The following PSMB1 variants were observed in gnomAD, a reference collection of about 807,000 sequenced individuals.
PSMB1 encodes the protein proteasome 20S subunit beta 1.
PSMB1 carries 7 observed loss-of-function variants against 25.4 expected under a neutral mutation model. The observed-to-expected ratio is 0.28, with a 90% CI of 0.16 to 0.52. PSMB1 has a LOEUF of 0.52. Ranked by LOEUF, PSMB1 falls within the 20% of genes least tolerant of loss-of-function variation. PSMB1 has a pLI of 0.97. For synonymous variants in PSMB1, 119 were observed against 115.0 expected (o/e 1.03, Z -0.22); for missense variants, 284 against 302.2 (o/e 0.94, Z 0.45).
chr6:170,551,675 G>A (rs1778904377), intron 1 of PSMB1, among the ~76,000 whole-genome samples: 1 of 152,156 alleles, frequency 6.6e-6, no homozygotes, highest in Non-Finnish European at 1.5e-5. Flanking sequence ...AGTCATCACA[G>A]GAAGTGTTAA....
At chr6:170,541,935 T>C (rs2114977134) in intron 4 of PSMB1, among the ~76,000 whole-genome samples, 1 of 152,344 alleles carries the variant, frequency 6.6e-6, no homozygotes, top group Non-Finnish European at 1.5e-5. Flanking sequence ...CTCAGCTATT[T>C]TTAATGTTGC....
rs1017133174 is a variant in PSMB1, at chr6:170,543,849, T to C, written c.304-119A>G. 7.7e-6 allele frequency: 8 copies of C among 1,041,280 alleles called. No individual in the cohort carries two copies. The African/African-American group carries it at 1.3e-4, about 17-fold the overall frequency. 64.5% of individuals were successfully genotyped at this position (1,041,280 alleles called of 1,614,324 possible). A position where few individuals can be genotyped will look rare whatever the true frequency, so the allele number is the denominator to read the frequency against. On this transcript the variant is annotated intron_variant, in intron 3 of 5. Transcript: ENST00000262193. ...CCACAGTGGAAGGGGAAAGCATGCC[T>C]ATTTCCTTCATGATCAACCAACACA...
At chr6:170,538,664 A>C (rs934721253) in intron 4 of PSMB1, among the ~76,000 whole-genome samples, 12 of 152,290 alleles carry the variant, frequency 7.9e-5, no homozygotes, top group African/African-American at 2.9e-4. Flanking sequence ...ATGCCACTGC[A>C]CTCCAGCCTG....
intron 5 of PSMB1, chr6:170,536,492 G>C (rs1481717671): frequency 2.2e-6 from 1 of 456,570 alleles, no homozygotes; most frequent in South Asian, 1.5e-5. Flanking sequence ...AAGCTGAATT[G>C]CTTGATATGT....
intron 4 of PSMB1, among the ~76,000 whole-genome samples, chr6:170,539,080 T>C: frequency 6.6e-6 from 1 of 152,114 alleles, no homozygotes; most frequent in South Asian, 2.1e-4. Context: ...GTAAAATCAG[T>C]ATAAAACAGC....
At position 170,546,027 on chromosome 6, in the gene PSMB1, T is replaced by C. The variant is rs577810138; in HGVS notation, c.303+76A>G. ...GACTCTCTAGCTATCTGACCAACAG[T>C]CATGCTGTAGGCTTAAAAGAATTTA... On this transcript the variant is annotated intron_variant, in intron 3 of 5. Coordinates refer to ENST00000262193, the MANE Select transcript of PSMB1 (RefSeq NM_002793.4). The C allele has an allele frequency of 7.3e-5, 92 of 1,261,564 alleles. No homozygotes were observed. In the African/African-American group the frequency reaches 1.2e-3, roughly 16 times the overall value. 78.1% of individuals were successfully genotyped at this position (1,261,564 alleles called of 1,614,324 possible).
intron 5 of PSMB1, among the ~76,000 whole-genome samples, chr6:170,535,939 T>C (rs1376970069): frequency 2.0e-5 from 3 of 152,170 alleles, no homozygotes; most frequent in Admixed American, 2.0e-4. Flanking sequence ...GAGGAGTAGC[T>C]ATATATGACA....
At chr6:170,550,918 G>A (rs111893361) in intron 1 of PSMB1, among the ~76,000 whole-genome samples, 1 of 74,242 alleles carries the variant, frequency 1.3e-5, no homozygotes, top group South Asian at 5.0e-4. Context: ...GGGGGGGGGG[G>A]GTCAATTGCC....
intron 5 of PSMB1, 132 bp from the exon 6 acceptor site, chr6:170,535,537 C>G (rs2114973494): frequency 1.3e-6 from 1 of 791,756 alleles, no homozygotes; most frequent in African/African-American, 1.7e-5. Flanking sequence ...AAATGTCCTT[C>G]AGACTGAATA....
At chr6:170,540,588 C>CAAAAA (rs5881872) in intron 4 of PSMB1, among the ~76,000 whole-genome samples, 33 of 61,164 alleles carry the variant, frequency 5.4e-4, no homozygotes, top group African/African-American at 7.4e-4. Flanking sequence ...GAATGGACAG[C>CAAAAA]AAAAAAAAAA....
intron 1 of PSMB1, among the ~76,000 whole-genome samples, 189 bp downstream of exon 1, chr6:170,552,941 G>A (rs12210583): frequency 2.0e-5 from 3 of 152,208 alleles, no homozygotes; most frequent in Admixed American, 1.3e-4. Flanking sequence ...TGAGCAAAGC[G>A]AGCCTGAAGA....
rs565069215 is a variant in PSMB1, at chr6:170,548,697, C to G, written c.221+309G>C. On this transcript the variant is annotated intron_variant, in intron 2 of 5. Transcript: ENST00000262193. ...ATGGACATTATCACAGCAGTGGGTT[C>G]GCTTGCTCTTCTTTCTTTCTCTGGC... 3.9e-5 allele frequency among the ~76,000 whole-genome samples: 6 copies of G among 152,214 alleles called. No homozygotes were observed. In the East Asian group the frequency reaches 1.2e-3, roughly 29 times the overall value.
At chr6:170,537,113 A>T (rs765477708) in intron 5 of PSMB1, 121 bp downstream of exon 5, 24 of 721,648 alleles carry the variant, frequency 3.3e-5, no homozygotes, top group African/African-American at 5.3e-5. Context: ...GTAATTTATA[A>T]GAAAGTCTTT....
chr6:170,552,405 G>A (rs1273597644), intron 1 of PSMB1, among the ~76,000 whole-genome samples: 1 of 151,950 alleles, frequency 6.6e-6, no homozygotes, highest in African/African-American at 2.4e-5. Flanking sequence ...TACTACTCAA[G>A]ATAAAGCTGG....
At position 170,535,441 on chromosome 6, in the gene PSMB1, G is replaced by C. The variant is rs950950045; in HGVS notation, c.541-36C>G. 2.6e-6 allele frequency: 4 copies of C among 1,554,314 alleles called. No homozygotes were observed. In the African/African-American group the frequency reaches 5.4e-5, roughly 21 times the overall value. Reference sequence around the variant, plus strand: ...ATGAAACTTGGGTGAGATGTCATGTGACAGTGAGCACAAAGGAAAGGTTCA... The same window carrying C: ...ATGAAACTTGGGTGAGATGTCATGTCACAGTGAGCACAAAGGAAAGGTTCA... On this transcript the variant is annotated intron_variant, in intron 5 of 5. Coordinates refer to ENST00000262193, the MANE Select transcript of PSMB1 (RefSeq NM_002793.4).
chr6:170,552,815 TTAC>T (rs1778928836), intron 1 of PSMB1, among the ~76,000 whole-genome samples: 1 of 152,246 alleles, frequency 6.6e-6, no homozygotes, highest in African/African-American at 2.4e-5. Context: ...AATTTCTACT[TTAC>T]TGTCTTACAG....
At chr6:170,551,721 T>C (rs938769464) in intron 1 of PSMB1, among the ~76,000 whole-genome samples, 22 of 152,190 alleles carry the variant, frequency 1.4e-4, no homozygotes, top group African/African-American at 5.1e-4. Context: ...AACTCAGTGG[T>C]GAAATAGCTA....
intron 2 of PSMB1, 68 bp downstream of exon 2, chr6:170,548,938 G>A: frequency 8.5e-7 from 1 of 1,178,106 alleles, no homozygotes; most frequent in Non-Finnish European, 1.2e-6. Flanking sequence ...TCATTTAGAA[G>A]TAGAAACTCT....
At chr6:170,548,915 C>T (rs1778857041) in intron 2 of PSMB1, 91 bp downstream of exon 2, 1 of 989,644 alleles carries the variant, frequency 1.0e-6, no homozygotes, top group East Asian at 2.6e-5. Context: ...AACTTAAAAA[C>T]TCATGAAACA....
Sources: gnomAD v4.1 joint callset for allele counts (sites outside exome capture counted in the v4.1 genomes callset) on GRCh38, gnomAD v4.1.1 for gene constraint, MANE v1.5 for transcripts, NCBI Gene and HGNC (gene_info 2026-07-23, HGNC 2026-07-21) for gene names.